ZNF326: variants seen among roughly 807,000 people sequenced by gnomAD.
ZNF326 encodes zinc finger protein 326.
ZNF326 carries 30 observed loss-of-function variants against 63.1 expected under a neutral mutation model. The ratio of observed to expected loss-of-function variants is 0.48; its 90% confidence interval spans 0.36 to 0.64. The LOEUF (loss-of-function observed/expected upper bound fraction) is 0.64, where lower values mean the gene tolerates loss of function less well. Ranked by LOEUF, ZNF326 falls within the 30% of genes least tolerant of loss-of-function variation. The pLI, the probability that ZNF326 is intolerant of heterozygous loss-of-function variation, is 0.00. For missense variants in ZNF326, 609 were observed against 720.3 expected, an observed-to-expected ratio of 0.85 and a Z score of 1.77; for synonymous variants, 194 against 228.2, an observed-to-expected ratio of 0.85 and a Z score of 1.35.
At chr1:90,027,294 C>T in intron 11 of ZNF326, 60 bp from the exon 12 acceptor site, 1 of 1,514,622 alleles carries the variant, frequency 6.6e-7, no homozygotes, top group Non-Finnish European at 9.0e-7. Flanking sequence ...AAAAATTTCA[C>T]TTGCCAGATC....
rs558599183 is a variant in ZNF326, at chr1:90,023,818, C to T, written c.1401+1473C>T. 1.3e-4 allele frequency among the ~76,000 whole-genome samples: 20 copies of T among 152,234 alleles called. No individual in the cohort carries two copies. In the Middle Eastern group the frequency reaches 0.01, roughly 78 times the overall value. On this transcript the variant is annotated intron_variant, in intron 11 of 11. Transcript: ENST00000340281. ...TGAGAGATGTCACTGGTGGGAGTATCCTGCTCATGCACATGTTGTAGAGAA... is the reference window on the plus strand; with the variant it reads ...TGAGAGATGTCACTGGTGGGAGTATTCTGCTCATGCACATGTTGTAGAGAA...
At chr1:90,011,347 G>A (rs183070767) in intron 6 of ZNF326, among the ~76,000 whole-genome samples, 137 of 152,152 alleles carry the variant, frequency 9.0e-4, no homozygotes, top group African/African-American at 3.2e-3. Flanking sequence ...TAGTAGGAAA[G>A]GAACCCTATT....
chr1:90,013,436 T>C (rs1020959269), intron 7 of ZNF326, among the ~76,000 whole-genome samples, 199 bp downstream of exon 7: 6 of 152,242 alleles, frequency 3.9e-5, no homozygotes, highest in African/African-American at 1.4e-4. Flanking sequence ...ATTCTATTCA[T>C]ATTGGCAATC....
chr1:90,022,140 AGAT>A (rs1649799390), intron 10 of ZNF326, 107 bp from the exon 11 acceptor site: 1 of 765,796 alleles, frequency 1.3e-6, no homozygotes. Context: ...GTTTGTAAGA[AGAT>A]AAGTCATTTA....
chr1:90,009,283 C>T (rs1328381382), intron 5 of ZNF326, among the ~76,000 whole-genome samples: 1 of 152,088 alleles, frequency 6.6e-6, no homozygotes, highest in African/African-American at 2.4e-5. Context: ...TCCTTCTCTT[C>T]AGATTACTCC....
chr1:90,010,512 T>C (rs531528148), intron 6 of ZNF326, among the ~76,000 whole-genome samples: 18 of 152,220 alleles, frequency 1.2e-4, no homozygotes, highest in African/African-American at 4.3e-4. Context: ...TGAATCCTTG[T>C]GGTTGTGTAT....
Position 90,008,252 on chromosome 1 carries a change from A to G in ZNF326, c.615+502A>G, listed in dbSNP as rs532126202. Among the ~76,000 whole-genome samples, 6 of 152,350 alleles carry G rather than the reference A, an allele frequency of 3.9e-5. 1 individual carries two copies. In the South Asian group the frequency reaches 1.2e-3, roughly 32 times the overall value. On this transcript the variant is annotated intron_variant, in intron 5 of 11. Coordinates refer to ENST00000340281, the MANE Select transcript of ZNF326 (RefSeq NM_182976.4). ...GATGATAGATCAGGATAGCTTAGCC[A>G]TGTTTATGTGGTGAAGAAGTTGATG...
At chr1:90,005,813 T>A in intron 4 of ZNF326, 1 of 985,498 alleles carries the variant, frequency 1.0e-6, no homozygotes, top group Non-Finnish European at 1.2e-6. Flanking sequence ...CAGGTACTAC[T>A]TACACCAAAG....
At chr1:90,008,385 A>G (rs1336014331) in intron 5 of ZNF326, among the ~76,000 whole-genome samples, 1 of 151,948 alleles carries the variant, frequency 6.6e-6, no homozygotes, top group Non-Finnish European at 1.5e-5. Context: ...TACTAGTTTT[A>G]CTCTTGAGAA....
rs557943082 is a variant in ZNF326, at chr1:90,030,223, T to C, written c.*2522T>C. Reference sequence around the variant, plus strand: ...CTACCTCCACTGCAACCAACCCAGTTCAAGTCATGATAATTTCTTGTTAAC... The same window carrying C: ...CTACCTCCACTGCAACCAACCCAGTCCAAGTCATGATAATTTCTTGTTAAC... On this transcript the variant is annotated 3_prime_UTR_variant, in exon 12 of 12. Coordinates refer to ENST00000340281, the MANE Select transcript of ZNF326 (RefSeq NM_182976.4). 2.6e-5 allele frequency: 4 copies of C among 152,346 alleles called. No homozygotes were observed. Among genetic ancestry groups the C allele is most frequent in the Admixed American group, 2.0e-4 (3 of 15,298 alleles). The allele number at this position is 152,346 out of a possible 1,614,324, so 9.4% of individuals were successfully genotyped here. A position where few individuals can be genotyped will look rare whatever the true frequency, so the allele number is the denominator to read the frequency against.
chr1:90,008,485 C>T (rs915892010), intron 5 of ZNF326, among the ~76,000 whole-genome samples: 5 of 152,112 alleles, frequency 3.3e-5, no homozygotes, highest in Non-Finnish European at 5.9e-5. Context: ...ATATACTAGT[C>T]CACAGTTGTT....
Position 90,000,475 on chromosome 1 carries a change from C to T in ZNF326, c.61+2321C>T, listed in dbSNP as rs1648620673. ...GTGCTTTGGGAGCCTGAGGTAGGAGCACTGCTTGAGGCCAGGTGATTGAAA... is the reference window on the plus strand; with the variant it reads ...GTGCTTTGGGAGCCTGAGGTAGGAGTACTGCTTGAGGCCAGGTGATTGAAA... On this transcript the variant is annotated intron_variant, in intron 2 of 11. Coordinates refer to ENST00000340281, the MANE Select transcript of ZNF326 (RefSeq NM_182976.4). Among the ~76,000 whole-genome samples, 5 of 152,094 alleles carry T rather than the reference C, an allele frequency of 3.3e-5. No homozygotes were observed. The South Asian group carries it at 1.0e-3, about 31-fold the overall frequency.
chr1:90,006,339 C>T, intron 4 of ZNF326: 1 of 977,728 alleles, frequency 1.0e-6, no homozygotes, highest in Non-Finnish European at 1.2e-6. Context: ...TCAGTTATTG[C>T]CCTTTTATAT....
Position 90,020,893 on chromosome 1 carries a change from A to C in ZNF326, c.1276A>C (p.Lys426Gln). The change falls in exon 10 of 12, where the codon AAA (lysine) becomes CAA (glutamine). Residue 426 changes from lysine to glutamine, a missense_variant. Around this residue, in one of 3 missense-constraint regions of ZNF326, gnomAD observed 399 missense variants for 444.3 expected, o/e 0.90. Transcript: ENST00000340281. ...ACATAGTTCAGTTCAGCAGCACTTA[A>C]AATCTCCTGATCATATCAAAGGGAA... ...ALHSSVQQHL[K>Q]SPDHIKGKQA... is the part of the protein sequence containing the mutation. The C allele has an allele frequency of 6.2e-7, 1 of 1,613,156 alleles. No individual in the cohort carries two copies. Among genetic ancestry groups the C allele is most frequent in the East Asian group, 2.2e-5 (1 of 44,804 alleles).
At chr1:90,019,930 A>T (rs1649684950) in intron 9 of ZNF326, among the ~76,000 whole-genome samples, 1 of 152,146 alleles carries the variant, frequency 6.6e-6, no homozygotes, top group South Asian at 2.1e-4. Context: ...CCAGAAGTAG[A>T]GAGTTATATA....
chr1:90,027,007 C>A (rs1411255961), intron 11 of ZNF326, among the ~76,000 whole-genome samples: 2 of 151,794 alleles, frequency 1.3e-5, no homozygotes, highest in African/African-American at 4.8e-5. Context: ...AAATGTAAAT[C>A]TTTGCATCAT....
Position 90,028,157 on chromosome 1 carries a change from G to C in ZNF326, c.*456G>C, listed in dbSNP as rs1026905375. 6.3e-6 allele frequency: 1 copy of C among 157,692 alleles called. No individual in the cohort carries two copies. Among genetic ancestry groups the C allele is most frequent in the African/African-American group, 2.4e-5 (1 of 41,468 alleles). 9.8% of individuals were successfully genotyped at this position (157,692 alleles called of 1,614,324 possible). On this transcript the variant is annotated 3_prime_UTR_variant, in exon 12 of 12. Coordinates refer to ENST00000340281, the MANE Select transcript of ZNF326 (RefSeq NM_182976.4). ...CATTAGACATTGAATAGTAATTTGC[G>C]TTAAGATACGCTTAAAGGCTCTTTG...
rs757808955 is a variant in ZNF326, at chr1:90,029,305, A to G, written c.*1604A>G. 3 of 151,572 alleles carry G rather than the reference A, an allele frequency of 2.0e-5. No homozygotes were observed. Among genetic ancestry groups the G allele is most frequent in the Non-Finnish European group, 4.4e-5 (3 of 67,902 alleles). The allele number at this position is 151,572 out of a possible 1,614,324, so 9.4% of individuals were successfully genotyped here. On this transcript the variant is annotated 3_prime_UTR_variant, in exon 12 of 12. Coordinates refer to ENST00000340281, the MANE Select transcript of ZNF326 (RefSeq NM_182976.4). ...ATACAGTTTTTTTTTTTTGAGGTGAACTAGGTTTGCCTAGCTTTAAGCTAG... is the reference window on the plus strand; with the variant it reads ...ATACAGTTTTTTTTTTTTGAGGTGAGCTAGGTTTGCCTAGCTTTAAGCTAG...
At position 90,020,887 on chromosome 1, in the gene ZNF326, C is replaced by T. The variant is rs1649736840; in HGVS notation, c.1270C>T (p.His424Tyr). 1 of 1,613,138 alleles carries T rather than the reference C, an allele frequency of 6.2e-7. No individual in the cohort carries two copies. Among genetic ancestry groups the T allele is most frequent in the Non-Finnish European group, 8.5e-7 (1 of 1,179,334 alleles). Residue 424 changes from histidine to tyrosine, a missense_variant, in exon 10 of 12, where the codon CAC becomes TAC. Transcript: ENST00000340281. ...IPALHSSVQQ[H>Y]LKSPDHIKGK... ...TGCTTTACATAGTTCAGTTCAGCAG[C>T]ACTTAAAATCTCCTGATCATATCAA...
Sources: gnomAD v4.1 joint callset for allele counts (sites outside exome capture counted in the v4.1 genomes callset) on GRCh38, gnomAD v4.1.1 for gene constraint, gnomAD v4.1.1 regional missense constraint, MANE v1.5 for transcripts, NCBI Gene and HGNC (gene_info 2026-07-23, HGNC 2026-07-21) for gene names.